PSME4: variants seen among roughly 807,000 people sequenced by gnomAD.
PSME4 encodes proteasome activator complex subunit 4.
A neutral mutation model predicts 253.9 loss-of-function variants in PSME4; 89 were observed. The observed-to-expected ratio is 0.35, with a 90% CI of 0.30 to 0.42. The LOEUF is 0.42. Ranked by LOEUF, PSME4 falls within the 10% of genes least tolerant of loss-of-function variation. PSME4 has a pLI of 1.00. For synonymous variants in PSME4, 851 were observed against 759.2 expected (o/e 1.12, Z -1.99); for missense variants, 2,014 against 2,195.2 (o/e 0.92, Z 1.65).
intron 1 of PSME4, among the ~76,000 whole-genome samples, chr2:53,955,247 T>C (rs1670178076): frequency 6.6e-6 from 1 of 152,146 alleles, no homozygotes; most frequent in Non-Finnish European, 1.5e-5. Flanking sequence ...AATCTATAAG[T>C]CTAGTATGAG....
In PSME4 at chr2:53,966,656, T is replaced by G. The variant is rs535536470; in HGVS notation, c.242+3887A>C. Among the ~76,000 whole-genome samples the G allele has an allele frequency of 8.6e-5, 13 of 152,020 alleles. No homozygotes were observed. The South Asian group carries it at 2.7e-3, about 32-fold the overall frequency. The stretch of plus-strand genomic sequence containing the variant: ...TGTTCTAACGAGCACCCGCAGCCCC[T>G]CATGAAAGGTCCAGAAAGGCAAGAG... On this transcript the variant is annotated intron_variant, in intron 1 of 46. Transcript: ENST00000404125.
At chr2:53,928,414 T>C in intron 10 of PSME4, 111 bp from the exon 11 acceptor site, 2 of 808,190 alleles carry the variant, frequency 2.5e-6, no homozygotes, top group East Asian at 2.7e-5. Context: ...AGGCTTACAG[T>C]TAGCAAAATA....
At chr2:53,961,963 G>A (rs566221247) in intron 1 of PSME4, among the ~76,000 whole-genome samples, 1 of 152,268 alleles carries the variant, frequency 6.6e-6, no homozygotes, top group Admixed American at 6.5e-5. Context: ...CTTTTTAAAA[G>A]AGGCAAAGGC....
chr2:53,890,300 C>T (rs1357617198), intron 36 of PSME4, 92 bp from the exon 37 acceptor site: 1 of 817,470 alleles, frequency 1.2e-6, no homozygotes, highest in Non-Finnish European at 2.0e-6. Context: ...TACACACATA[C>T]AGGTATATCA....
intron 3 of PSME4, among the ~76,000 whole-genome samples, chr2:53,943,218 A>G (rs1326028244): frequency 6.6e-6 from 1 of 152,264 alleles, no homozygotes; most frequent in Non-Finnish European, 1.5e-5. Context: ...ATTTAACTTC[A>G]GAATAATATT....
intron 39 of PSME4, 112 bp from the exon 40 acceptor site, chr2:53,887,579 G>A: frequency 9.6e-7 from 1 of 1,039,514 alleles, no homozygotes; most frequent in South Asian, 1.7e-5. Context: ...TTCCTGGAGT[G>A]GGTCTTAGAT....
At position 53,927,325 on chromosome 2, in the gene PSME4, A is replaced by G. The variant is rs1211461102; in HGVS notation, c.1593+69T>C. On this transcript the variant is annotated intron_variant, in intron 12 of 46. Coordinates refer to ENST00000404125, the MANE Select transcript of PSME4 (RefSeq NM_014614.3). ...TTCCAAAGTCGTTTCTAAACTGTCA[A>G]GTGTTACTATGCATATGCAATAATA... is the stretch of plus-strand genomic sequence containing the variant. 6 of 1,120,644 alleles carry G rather than the reference A, an allele frequency of 5.4e-6. No individual in the cohort carries two copies. The Admixed American group carries it at 7.3e-5, about 14-fold the overall frequency. The allele number at this position is 1,120,644 out of a possible 1,614,324, so 69.4% of individuals were successfully genotyped here. A position where few individuals can be genotyped will look rare whatever the true frequency, so the allele number is the denominator to read the frequency against.
At chr2:53,880,021 G>A (rs1450826105) in intron 41 of PSME4, among the ~76,000 whole-genome samples, 1 of 152,164 alleles carries the variant, frequency 6.6e-6, no homozygotes, top group African/African-American at 2.4e-5. Context: ...CCTTGGTGTG[G>A]AGGAAGAATA....
intron 8 of PSME4, 193 bp from the exon 9 acceptor site, chr2:53,932,953 T>C (rs552547050): frequency 3.8e-6 from 2 of 528,564 alleles, no homozygotes; most frequent in South Asian, 5.8e-5. Flanking sequence ...CAAAATATTC[T>C]ACTGCAAATA....
At chr2:53,965,379 G>C (rs1333726614) in intron 1 of PSME4, among the ~76,000 whole-genome samples, 6 of 151,748 alleles carry the variant, frequency 4.0e-5, no homozygotes, top group Non-Finnish European at 5.9e-5. Context: ...CTATAGGCGA[G>C]TGCCACCATA....
rs766480210 is a variant in PSME4, at chr2:53,927,398, G to A, written c.1589C>T (p.Thr530Ile). 2 of 1,557,764 alleles carry A rather than the reference G, an allele frequency of 1.3e-6. No individual in the cohort carries two copies. The highest frequency in any genetic ancestry group is 1.8e-6 in the Non-Finnish European group (2 of 1,128,922). ...ATAACCATAAAATACCCTTACTTCT[G>A]TGAGGTCATTTCTTTCTTGTAGTAC... ...SSVLQERNDL[T>I]EVERELCSAT... is the part of the protein sequence containing the mutation. The change falls in exon 12 of 47, where the codon ACA (threonine) becomes ATA (isoleucine). Residue 530 changes from threonine (T) to isoleucine (I), a missense_variant. Around this residue, in one of 4 missense-constraint regions of PSME4, gnomAD observed 989 missense variants for 1,021.1 expected, o/e 0.97. Transcript: ENST00000404125.
intron 35 of PSME4, among the ~76,000 whole-genome samples, chr2:53,893,433 C>G (rs1467503448): frequency 1.3e-5 from 2 of 152,058 alleles, no homozygotes; most frequent in African/African-American, 2.4e-5. Flanking sequence ...CTTAAGAGTA[C>G]TTTTAGGACC....
In PSME4 at chr2:53,899,876, A is replaced by G. The variant is rs374410859; in HGVS notation, c.3422+5T>C. On this transcript the variant is annotated splice_donor_5th_base_variant and intron_variant, in intron 29 of 46. Coordinates refer to ENST00000404125, the MANE Select transcript of PSME4 (RefSeq NM_014614.3). ...ATCTATTGAAGTACACCATTCATCA[A>G]TTACCTTAGGGCATCGGCATTCTTT... is the stretch of plus-strand genomic sequence containing the variant. The G allele has an allele frequency of 6.8e-6, 11 of 1,611,944 alleles. No homozygotes were observed. Among genetic ancestry groups the G allele is most frequent in the African/African-American group, 2.7e-5 (2 of 74,678 alleles).
chr2:53,948,603 T>C, intron 2 of PSME4, 66 bp from the exon 3 acceptor site: 1 of 993,770 alleles, frequency 1.0e-6, no homozygotes, highest in Non-Finnish European at 1.6e-6. Flanking sequence ...ATACCACAAA[T>C]ACTACACAGG....
At chr2:53,922,412 C>CT (rs1668366990) in intron 17 of PSME4, 105 bp downstream of exon 17, 1 of 1,221,044 alleles carries the variant, frequency 8.2e-7, no homozygotes. Context: ...TTCCAAAACT[C>CT]TGACTTTTCA....
chr2:53,902,980 A>G (rs1261631359), intron 27 of PSME4, among the ~76,000 whole-genome samples: 1 of 152,124 alleles, frequency 6.6e-6, no homozygotes, highest in Non-Finnish European at 1.5e-5. Flanking sequence ...TCTTCCTTCT[A>G]GAAAGACCTC....
At chr2:53,875,877 A>G (rs1412542651) in intron 41 of PSME4, 122 bp from the exon 42 acceptor site, 6 of 859,676 alleles carry the variant, frequency 7.0e-6, no homozygotes, top group Non-Finnish European at 1.0e-5. Flanking sequence ...TCAAACACAT[A>G]AACTAGAGAA....
rs1299135905 is a variant in PSME4 at position 53,908,768 on chromosome 2, G to A, written c.2629+16C>T. On this transcript the variant is annotated intron_variant, in intron 22 of 46. Coordinates refer to ENST00000404125, the MANE Select transcript of PSME4 (RefSeq NM_014614.3). ...ATTCCAAAGTACAAATAAGTTAAATGTACAGATACACTTACTAAGAAGTTT... is the reference window on the plus strand; with the variant it reads ...ATTCCAAAGTACAAATAAGTTAAATATACAGATACACTTACTAAGAAGTTT... 1.3e-6 allele frequency: 2 copies of A among 1,569,302 alleles called. No individual in the cohort carries two copies. Among genetic ancestry groups the A allele is most frequent in the African/African-American group, 1.4e-5 (1 of 72,842 alleles).
rs577532772 is a variant in PSME4, at chr2:53,888,835, C to T, written c.4297-23G>A. The T allele has an allele frequency of 4.0e-6, 6 of 1,518,506 alleles. No individual in the cohort carries two copies. In the South Asian group the frequency reaches 6.9e-5, roughly 17 times the overall value. The allele number at this position is 1,518,506 out of a possible 1,614,324, so 94.1% of individuals were successfully genotyped here. A position where few individuals can be genotyped will look rare whatever the true frequency, so the allele number is the denominator to read the frequency against. On this transcript the variant is annotated intron_variant, in intron 37 of 46. Transcript: ENST00000404125. ...TTCCTGTGTTTAAAATATGATGTAA[C>T]AGTTCAACAGAGAACCTACAATTCT... is the stretch of plus-strand genomic sequence containing the variant.
Sources: allele counts gnomAD v4.1 joint callset (sites outside exome capture counted in the v4.1 genomes callset), GRCh38; gene constraint gnomAD v4.1.1; regional missense constraint gnomAD v4.1.1; transcripts MANE v1.5; gene names NCBI Gene and HGNC (gene_info 2026-07-23, HGNC 2026-07-21).